Variants in TTC3 observed in about 807,000 individuals in gnomAD.
TTC3 encodes the protein tetratricopeptide repeat domain 3, also known as E3 ubiquitin-protein ligase TTC3.
In TTC3, 180 loss-of-function variants were observed where a neutral mutation model predicts 249.6. The ratio of observed to expected loss-of-function variants is 0.72; its 90% CI spans 0.64 to 0.82. The LOEUF (loss-of-function observed/expected upper bound fraction) is 0.82. TTC3 is among the 40% of genes least tolerant of loss of function. TTC3 has a pLI of 0.00. For synonymous variants in TTC3, 717 were observed against 805.0 expected (o/e 0.89, Z 1.85); for missense variants, 2,061 against 2,398.4 (o/e 0.86, Z 2.94).
At chr21:37,182,632 A>C (rs1350827141) in intron 35 of TTC3, 142 bp from the exon 36 acceptor site, 1 of 832,296 alleles carries the variant, frequency 1.2e-6, no homozygotes. Flanking sequence ...ATAGTCTGCC[A>C]CAGGGCGCCA....
rs1032323966 is a variant in TTC3, at chr21:37,191,265, T to A, written c.5025-69T>A. On this transcript the variant is annotated intron_variant, in intron 39 of 45. Coordinates refer to ENST00000355666, the Ensembl canonical transcript of TTC3. ...AATGTCTCTTTTGCTCATGTTTAGA[T>A]GTTTATTTGACCGTAAGTGCTTTTA... 3.9e-6 allele frequency: 4 copies of A among 1,026,198 alleles called. No homozygotes were observed. The African/African-American group carries it at 6.8e-5, about 17-fold the overall frequency. 63.6% of individuals were successfully genotyped at this position (1,026,198 alleles called of 1,614,324 possible). A position where few individuals can be genotyped will look rare whatever the true frequency, so the allele number is the denominator to read the frequency against.
intron 11 of TTC3, among the ~76,000 whole-genome samples, chr21:37,112,209 G>A (rs577427143): frequency 6.6e-6 from 1 of 152,224 alleles, no homozygotes; most frequent in African/African-American, 2.4e-5. Flanking sequence ...CAGAACTGAA[G>A]GAAATAGAGA....
chr21:37,197,617 A>G, exon 43 of TTC3: 1 of 1,612,104 alleles, frequency 6.2e-7, no homozygotes, highest in Non-Finnish European at 8.5e-7. Flanking sequence ...AAAAACAAGA[A>G]CTCACTCTCA....
chr21:37,184,440 C>T lies in TTC3; in HGVS notation c.4758-1266C>T, dbSNP rs944895614. ...TGTCACAATTTAAAGATAAGCCACA[C>T]GCTTCTCTCTAAGTTTTTTGCTTTT... On this transcript the variant is annotated intron_variant, in intron 36 of 45. Transcript: ENST00000355666. Among the ~76,000 whole-genome samples the T allele has an allele frequency of 9.2e-5, 14 of 151,484 alleles. 1 individual carries two copies. The highest frequency in any genetic ancestry group is 1.9e-4 in the East Asian group (1 of 5,182).
chr21:37,201,400 G>A (rs748126026), intron 45 of TTC3, 40 bp from the exon 46 acceptor site: 1 of 1,612,238 alleles, frequency 6.2e-7, no homozygotes, highest in African/African-American at 1.3e-5. Context: ...CTTCCTCATG[G>A]TCCTGAAGGC....
In TTC3 at chr21:37,142,218, C is replaced by A. The variant is rs530214616; in HGVS notation, c.1772+1545C>A. Among the ~76,000 whole-genome samples the A allele has an allele frequency of 4.6e-5, 7 of 152,300 alleles. No homozygotes were observed. In the East Asian group the frequency reaches 1.4e-3, roughly 29 times the overall value. On this transcript the variant is annotated intron_variant, in intron 20 of 45. Coordinates refer to ENST00000355666, the Ensembl canonical transcript of TTC3. ...GATAGGGATGCCCTCTCTCACCACT[C>A]CTATTCAACATAGTGTCGGAAGTTC...
chr21:37,137,872 A>G (rs760269440), intron 18 of TTC3, among the ~76,000 whole-genome samples: 2 of 152,164 alleles, frequency 1.3e-5, no homozygotes, highest in Admixed American at 6.5e-5. Context: ...GCAGTCATCA[A>G]TATCAAGGCA....
intron 1 of TTC3, among the ~76,000 whole-genome samples, chr21:37,080,892 C>T (rs1419756680): frequency 6.6e-6 from 1 of 151,828 alleles, no homozygotes; most frequent in Non-Finnish European, 1.5e-5. Flanking sequence ...CAGACAACTT[C>T]TGTCTTTTAA....
At chr21:37,090,015 T>C (rs1317407328) in intron 5 of TTC3, among the ~76,000 whole-genome samples, 1 of 151,872 alleles carries the variant, frequency 6.6e-6, no homozygotes, top group East Asian at 1.9e-4. Context: ...TGTCTAAAGA[T>C]TATACTAAGT....
At chr21:37,096,872 CAT>C (rs534085195) in intron 10 of TTC3, 106 of 377,068 alleles carry the variant, frequency 2.8e-4, no homozygotes, top group African/African-American at 2.1e-3. Flanking sequence ...AAGTGCTTTG[CAT>C]ATGTTATTTG....
At chr21:37,157,606 G>C (rs2080232109) in intron 28 of TTC3, among the ~76,000 whole-genome samples, 1 of 152,166 alleles carries the variant, frequency 6.6e-6, no homozygotes, top group Admixed American at 6.5e-5. Flanking sequence ...GGAAAGCTGT[G>C]GTGCAGGGGT....
intron 39 of TTC3, among the ~76,000 whole-genome samples, chr21:37,190,051 A>G (rs759256450): frequency 2.0e-5 from 3 of 148,530 alleles, no homozygotes; most frequent in Non-Finnish European, 4.5e-5. Flanking sequence ...TTGCCTTTTG[A>G]TTCAAATTTC....
exon 46 of TTC3, chr21:37,201,828 T>C (rs545088895): frequency 2.1e-6 from 1 of 485,398 alleles, no homozygotes; most frequent in East Asian, 4.0e-5. Flanking sequence ...GCAGGGCTCT[T>C]TGAGGTGGGT....
At chr21:37,182,083 A>G (rs2082813346) in intron 35 of TTC3, among the ~76,000 whole-genome samples, 1 of 152,212 alleles carries the variant, frequency 6.6e-6, no homozygotes, top group South Asian at 2.1e-4. Context: ...AAATATTAAC[A>G]TAGGGAATGT....
intron 34 of TTC3, among the ~76,000 whole-genome samples, chr21:37,171,934 G>T (rs1409937568): frequency 6.6e-6 from 1 of 152,212 alleles, no homozygotes; most frequent in Non-Finnish European, 1.5e-5. Flanking sequence ...CTGCCACAGG[G>T]AGGACAGTTA....
intron 35 of TTC3, among the ~76,000 whole-genome samples, chr21:37,180,040 G>C (rs951460079): frequency 1.3e-5 from 2 of 152,216 alleles, no homozygotes; most frequent in Non-Finnish European, 2.9e-5. Context: ...TCATGTGACA[G>C]ATATTTCTTG....
chr21:37,194,984 G>C (rs909537112), intron 41 of TTC3: 3 of 152,430 alleles, frequency 2.0e-5, no homozygotes, highest in Admixed American at 6.5e-5. Flanking sequence ...CTGCTCAGGA[G>C]ACCAGGCCCC....
intron 11 of TTC3, among the ~76,000 whole-genome samples, chr21:37,110,574 C>T (rs1162785187): frequency 3.3e-5 from 5 of 152,260 alleles, no homozygotes; most frequent in Admixed American, 2.0e-4. Flanking sequence ...ACCAAATCTA[C>T]GTCTAATTGG....
At chr21:37,169,688 A>AG (rs397965644) in intron 34 of TTC3, among the ~76,000 whole-genome samples, 2 of 147,254 alleles carry the variant, frequency 1.4e-5, no homozygotes, top group Non-Finnish European at 3.0e-5. Flanking sequence ...CTCTACTAAA[A>AG]TTAAAAAAAA....
Sources: gnomAD v4.1 joint callset for allele counts (sites outside exome capture counted in the v4.1 genomes callset) on GRCh38, gnomAD v4.1.1 for gene constraint, MANE v1.5 for transcripts, NCBI Gene and HGNC (gene_info 2026-07-23, HGNC 2026-07-21) for gene names.